REV3L: variants seen among roughly 807,000 people sequenced by gnomAD.
The protein encoded by REV3L is REV3 like, DNA directed polymerase zeta catalytic subunit.
Under a neutral mutation model 299.4 loss-of-function variants are expected in REV3L, and 69 were observed. That is an observed-to-expected ratio of 0.23 (90% CI 0.19 to 0.28). REV3L has a LOEUF of 0.28. Ranked by LOEUF, REV3L falls within the 10% of genes least tolerant of loss-of-function variation. REV3L has a pLI of 1.00. For synonymous variants in REV3L, 1,238 were observed against 1,271.4 expected (o/e 0.97, Z 0.56); for missense variants, 3,128 against 3,693.8 (o/e 0.85, Z 3.97).
At chr6:111,303,305 G>A (rs2114683732) in intron 31 of REV3L, among the ~76,000 whole-genome samples, 1 of 149,654 alleles carries the variant, frequency 6.7e-6, no homozygotes, top group African/African-American at 2.4e-5. Context: ...CTTAGTAGCT[G>A]GGATTGCGGG....
At chr6:111,458,833 G>A (rs1179966998) in intron 1 of REV3L, among the ~76,000 whole-genome samples, 1 of 151,598 alleles carries the variant, frequency 6.6e-6, no homozygotes, top group Non-Finnish European at 1.5e-5. Context: ...GGAAGAATCA[G>A]TATCATTAAA....
At chr6:111,309,035 C>T (rs1011657237) in intron 30 of REV3L, among the ~76,000 whole-genome samples, 11 of 152,324 alleles carry the variant, frequency 7.2e-5, no homozygotes, top group South Asian at 2.1e-4. Flanking sequence ...AGCACACAGA[C>T]GGGCAGGTTG....
At chr6:111,305,531 G>C (rs1772183860) in intron 31 of REV3L, among the ~76,000 whole-genome samples, 1 of 152,012 alleles carries the variant, frequency 6.6e-6, no homozygotes, top group South Asian at 2.1e-4. Flanking sequence ...AGGCTGCAAT[G>C]AGCTGTAATC....
chr6:111,332,992 A>T, intron 23 of REV3L, 131 bp downstream of exon 23: 1 of 1,005,938 alleles, frequency 9.9e-7, no homozygotes, highest in South Asian at 1.7e-5. Context: ...TGAATGGATT[A>T]GCTGGGATAC....
rs184298237 is a variant in REV3L, at chr6:111,383,481, A to G, written c.1097-2037T>C. 4.8e-3 allele frequency among the ~76,000 whole-genome samples: 734 copies of G among 152,344 alleles called. 8 individuals carry two copies. The highest frequency in any genetic ancestry group is 0.016 in the African/African-American group (676 of 41,582). ...TATATGCCAACAGTGAACAATCTGA[A>G]TAAGAAACCAAGAAAGTAATCCCAT... On this transcript the variant is annotated intron_variant, in intron 9 of 31. Transcript: ENST00000368802.
chr6:111,395,360 T>C lies in REV3L; in HGVS notation c.566-2388A>G, dbSNP rs566647766. 3.3e-5 allele frequency among the ~76,000 whole-genome samples: 5 copies of C among 152,354 alleles called. No individual in the cohort carries two copies. In the East Asian group the frequency reaches 9.6e-4, roughly 29 times the overall value. On this transcript the variant is annotated intron_variant, in intron 4 of 31. Transcript: ENST00000368802. ...ATGAACATGGGATGTCTCCCATTTG[T>C]CTATTTCCACTGTCTACTTCAGTTA...
intron 1 of REV3L, among the ~76,000 whole-genome samples, chr6:111,453,363 C>T (rs1789777798): frequency 6.6e-6 from 1 of 152,126 alleles, no homozygotes; most frequent in Non-Finnish European, 1.5e-5. Context: ...TGATAGTATT[C>T]AATAGCACAT....
chr6:111,402,027 T>C (rs990852225), intron 4 of REV3L, among the ~76,000 whole-genome samples: 2 of 152,138 alleles, frequency 1.3e-5, no homozygotes, highest in Non-Finnish European at 2.9e-5. Flanking sequence ...GGTGGGAGGA[T>C]GGCTTGAGCC....
chr6:111,356,246 C>T (rs1191499724), intron 18 of REV3L, among the ~76,000 whole-genome samples: 1 of 152,116 alleles, frequency 6.6e-6, no homozygotes, highest in East Asian at 1.9e-4. Context: ...GCATCTAAAA[C>T]CCTAAACCTA....
At chr6:111,302,754 T>G (rs536029485) in intron 31 of REV3L, among the ~76,000 whole-genome samples, 2 of 152,076 alleles carry the variant, frequency 1.3e-5, no homozygotes, top group East Asian at 3.9e-4. Context: ...ATACGAAAAT[T>G]AGCTGGGCGT....
chr6:111,379,062 C>G (rs571580037), intron 11 of REV3L, among the ~76,000 whole-genome samples: 1 of 152,204 alleles, frequency 6.6e-6, no homozygotes, highest in South Asian at 2.1e-4. Context: ...GTTTGTTTTC[C>G]CAAGGTTAAA....
At chr6:111,483,462 T>TGAGGGGCAGCGGAAGGGGCG (rs1456749189), upstream of REV3L, 1 of 423,428 alleles carries the variant, frequency 2.4e-6, no homozygotes, top group Admixed American at 3.2e-5. Context: ...GTCACCTGGG[T>TGAGGGGCAGCGGAAGGGGCG]GAGGGGCAGC....
At position 111,337,160 on chromosome 6, in the gene REV3L, T is replaced by A. The variant is rs1775986645; in HGVS notation, c.7539-1550A>T. ...GATGCAGGATTTCCATTTAGAGTAATTAAAATAGTATAAAACTTACTGTGA... is the reference window on the plus strand; with the variant it reads ...GATGCAGGATTTCCATTTAGAGTAAATAAAATAGTATAAAACTTACTGTGA... On this transcript the variant is annotated intron_variant, in intron 21 of 31. Coordinates refer to ENST00000368802, the MANE Select transcript of REV3L (RefSeq NM_001372078.1). Among the ~76,000 whole-genome samples, 2 of 152,062 alleles carry A rather than the reference T, an allele frequency of 1.3e-5. 1 individual carries two copies. The highest frequency in any genetic ancestry group is 4.2e-4 in the South Asian group (2 of 4,818).
In REV3L at chr6:111,365,260, G is replaced by C. The variant is rs756894890; in HGVS notation, c.6753+5C>G. 6.9e-7 allele frequency: 1 copy of C among 1,459,090 alleles called. No homozygotes were observed. Among genetic ancestry groups the C allele is most frequent in the Non-Finnish European group, 9.3e-7 (1 of 1,074,574 alleles). 90.4% of individuals were successfully genotyped at this position (1,459,090 alleles called of 1,614,324 possible). On this transcript the variant is annotated splice_donor_5th_base_variant and intron_variant, in intron 15 of 31. Transcript: ENST00000368802. ...CTGATCTTTAAAAATGTTTAGTATA[G>C]TTACCTTTGCTTGTGTTAACAGTAC... is the stretch of plus-strand genomic sequence containing the variant.
At position 111,375,403 on chromosome 6, in the gene REV3L, A is replaced by G. The variant is rs1401818811; in HGVS notation, c.2952T>C (p.Phe984=). 1 of 1,596,764 alleles carries G rather than the reference A, an allele frequency of 6.3e-7. No homozygotes were observed. The highest frequency in any genetic ancestry group is 8.5e-7 in the Non-Finnish European group (1 of 1,174,672). ...TCACAAGCATATTTTTTCTCCCTCT[A>G]AATCTATTAATAATAATATACTTTA... ...VIIKYIIINR[F]RGRKNMLVKL... The change falls in exon 13 of 32, where the codon TTT becomes TTC. Residue 984 remains phenylalanine (F), a synonymous_variant. Coordinates refer to ENST00000368802, the MANE Select transcript of REV3L (RefSeq NM_001372078.1).
intron 27 of REV3L, among the ~76,000 whole-genome samples, chr6:111,314,473 G>C (rs1177793899): frequency 1.1e-4 from 17 of 152,184 alleles, no homozygotes; most frequent in Non-Finnish European, 2.4e-4. Context: ...AGCAGCCCCG[G>C]TGAAAGGCCA....
chr6:111,483,356 G>A (rs1027364702), upstream of REV3L: 1 of 481,762 alleles, frequency 2.1e-6, no homozygotes, highest in South Asian at 3.0e-5. Flanking sequence ...CGGGGGCCGA[G>A]AAGGGGCTTT....
At chr6:111,430,827 A>C in intron 1 of REV3L, 1 of 1,608,810 alleles carries the variant, frequency 6.2e-7, no homozygotes, top group East Asian at 2.2e-5. Context: ...CGGCTTGTGA[A>C]CAGTCAGTGC....
intron 4 of REV3L, among the ~76,000 whole-genome samples, chr6:111,401,643 A>G (rs1319370118): frequency 6.6e-6 from 1 of 152,272 alleles, no homozygotes; most frequent in Non-Finnish European, 1.5e-5. Context: ...ATTTAAAATA[A>G]AAATGTAATT....
Sources: allele counts gnomAD v4.1 joint callset (sites outside exome capture counted in the v4.1 genomes callset), GRCh38; gene constraint gnomAD v4.1.1; transcripts MANE v1.5; gene names NCBI Gene and HGNC (gene_info 2026-07-23, HGNC 2026-07-21).